Variants in FRMD4A observed in about 807,000 individuals in gnomAD.
The protein encoded by FRMD4A is FERM domain containing 4A, also known as FERM domain-containing protein 4A.
In FRMD4A, 29 loss-of-function variants were observed where a neutral mutation model predicts 129.1. The ratio of observed to expected loss-of-function variants is 0.22; its 90% CI spans 0.17 to 0.31. The LOEUF (loss-of-function observed/expected upper bound fraction) is 0.31. Among genes scored for constraint, FRMD4A ranks in the 10% least tolerant of loss-of-function variants. The pLI is 1.00. For synonymous variants in FRMD4A, 634 were observed against 571.6 expected (o/e 1.11, Z -1.56); for missense variants, 1,272 against 1,375.8 (o/e 0.92, Z 1.19).
At chr10:14,076,963 G>A (rs974482952) in intron 2 of FRMD4A, among the ~76,000 whole-genome samples, 2 of 152,172 alleles carry the variant, frequency 1.3e-5, no homozygotes, top group Non-Finnish European at 2.9e-5. Context: ...TGTCCAAGCT[G>A]GAGGGTTCTC....
chr10:14,075,913 T>G (rs753786915), intron 2 of FRMD4A, among the ~76,000 whole-genome samples: 2 of 152,186 alleles, frequency 1.3e-5, no homozygotes, highest in Non-Finnish European at 2.9e-5. Flanking sequence ...TGTCTGTGCT[T>G]GCTTTTTCCT....
intron 2 of FRMD4A, among the ~76,000 whole-genome samples, chr10:13,889,812 A>C (rs898649826): frequency 1.3e-5 from 2 of 152,224 alleles, no homozygotes; most frequent in African/African-American, 2.4e-5. Context: ...TTCATACACC[A>C]GTCATTACTT....
intron 2 of FRMD4A, among the ~76,000 whole-genome samples, chr10:13,950,362 T>C (rs994419248): frequency 3.9e-5 from 6 of 152,242 alleles, no homozygotes; most frequent in African/African-American, 1.4e-4. Flanking sequence ...TTCACAGATT[T>C]CATTTCTGTC....
At chr10:14,029,338 G>T (rs1833126484) in intron 2 of FRMD4A, among the ~76,000 whole-genome samples, 1 of 151,910 alleles carries the variant, frequency 6.6e-6, no homozygotes, top group African/African-American at 2.4e-5. Context: ...GAAACGGTGG[G>T]CAGATCGTTC....
chr10:13,685,313 T>A lies in FRMD4A; in HGVS notation c.1117+8585A>T, dbSNP rs923133286. 1.6e-5 allele frequency: 16 copies of A among 985,302 alleles called. No individual in the cohort carries two copies. In the African/African-American group the frequency reaches 2.6e-4, roughly 16 times the overall value. The allele number at this position is 985,302 out of a possible 1,614,324, so 61.0% of individuals were successfully genotyped here. A position where few individuals can be genotyped will look rare whatever the true frequency, so the allele number is the denominator to read the frequency against. On this transcript the variant is annotated intron_variant, in intron 15 of 24. Coordinates refer to ENST00000357447, the MANE Select transcript of FRMD4A (RefSeq NM_018027.5). Reference sequence around the variant, plus strand: ...AGCTTTGCTTTCTGGCTAGATTCCATGGCTCACTGGCACTCGGTGAAGAGT... The same window carrying A: ...AGCTTTGCTTTCTGGCTAGATTCCAAGGCTCACTGGCACTCGGTGAAGAGT...
intron 2 of FRMD4A, among the ~76,000 whole-genome samples, chr10:14,057,685 C>T (rs547332439): frequency 5.9e-5 from 9 of 152,294 alleles, no homozygotes; most frequent in African/African-American, 2.2e-4. Context: ...ATTCTCCAGC[C>T]TCAGCCTCCC....
chr10:13,869,140 G>A lies in FRMD4A; in HGVS notation c.46-10228C>T, dbSNP rs556509729. Among the ~76,000 whole-genome samples the A allele has an allele frequency of 1.2e-4, 18 of 152,258 alleles. No individual in the cohort carries two copies. In the South Asian group the frequency reaches 3.1e-3, roughly 26 times the overall value. ...AGAAGTCCGGGTGTGGGGACCCAGC[G>A]GTCTATGTGATTCAAGCCACAAGTC... On this transcript the variant is annotated intron_variant, in intron 2 of 24. Coordinates refer to ENST00000357447, the MANE Select transcript of FRMD4A (RefSeq NM_018027.5).
chr10:13,884,196 T>TCACACACACGCTCA (rs2094588355), intron 2 of FRMD4A, among the ~76,000 whole-genome samples: 1 of 108,536 alleles, frequency 9.2e-6, no homozygotes, highest in Admixed American at 1.0e-4. Flanking sequence ...ACACACACAC[T>TCACACACACGCTCA]CACACACACA....
chr10:14,072,732 T>C (rs1282884073), intron 2 of FRMD4A, among the ~76,000 whole-genome samples: 2 of 152,216 alleles, frequency 1.3e-5, no homozygotes, highest in African/African-American at 4.8e-5. Context: ...GCTTTTTGTC[T>C]GCAATCATTT....
intron 3 of FRMD4A, among the ~76,000 whole-genome samples, chr10:13,826,088 C>T (rs1046521629): frequency 1.3e-5 from 2 of 152,236 alleles, no homozygotes; most frequent in South Asian, 2.1e-4. Context: ...TAACCTCTAC[C>T]TCCCAAAGCT....
chr10:14,279,263 AC>A lies in FRMD4A; in HGVS notation c.45+50794del, dbSNP rs1231797638. On this transcript the variant is annotated intron_variant, in intron 2 of 24. Coordinates refer to ENST00000357447, the MANE Select transcript of FRMD4A (RefSeq NM_018027.5). ...GAGTAGAGTGGCGCCATCCTGGCTC[AC>A]TGCAACCTCCGCCTCCCAGGTTCAT... Among the ~76,000 whole-genome samples, 7 of 141,074 alleles carry A rather than the reference AC, an allele frequency of 5.0e-5. No homozygotes were observed. In the East Asian group the frequency reaches 1.0e-3, roughly 21 times the overall value. The allele number at this position is 141,074 out of a possible 152,430, so 92.6% of individuals were successfully genotyped here.
At chr10:13,673,407 T>C (rs755481092) in intron 16 of FRMD4A, among the ~76,000 whole-genome samples, 2 of 152,180 alleles carry the variant, frequency 1.3e-5, no homozygotes, top group Non-Finnish European at 2.9e-5. Context: ...CCTTAGTGTT[T>C]GGGGGAGGGG....
chr10:14,118,880 C>T (rs1838343328), intron 2 of FRMD4A, among the ~76,000 whole-genome samples: 1 of 152,148 alleles, frequency 6.6e-6, no homozygotes, highest in Non-Finnish European at 1.5e-5. Flanking sequence ...ATATCACTGA[C>T]TATATAACCC....
chr10:13,997,302 G>C lies in FRMD4A; in HGVS notation c.46-138390C>G, dbSNP rs143936814. On this transcript the variant is annotated intron_variant, in intron 2 of 24. Coordinates refer to ENST00000357447, the MANE Select transcript of FRMD4A (RefSeq NM_018027.5). ...AGAAAACTCACTCTTGGCCTTAGTT[G>C]TAATAATCTTCACCCCAAGAGTCTC... 4.6e-4 allele frequency among the ~76,000 whole-genome samples: 70 copies of C among 152,264 alleles called. 1 individual carries two copies. Among genetic ancestry groups the C allele is most frequent in the African/African-American group, 1.5e-3 (63 of 41,566 alleles).
At chr10:14,310,182 C>T (rs370346557) in intron 2 of FRMD4A, among the ~76,000 whole-genome samples, 1 of 151,932 alleles carries the variant, frequency 6.6e-6, no homozygotes, top group Non-Finnish European at 1.5e-5. Context: ...CAGCCCTTCC[C>T]TTGAGCTCTC....
At chr10:13,844,844 C>A (rs1050002363) in intron 3 of FRMD4A, among the ~76,000 whole-genome samples, 4 of 152,302 alleles carry the variant, frequency 2.6e-5, no homozygotes, top group Non-Finnish European at 4.4e-5. Context: ...CCGTGCGCTA[C>A]AAAATCACAC....
At chr10:14,275,383 C>T (rs1223110702) in intron 2 of FRMD4A, among the ~76,000 whole-genome samples, 2 of 152,176 alleles carry the variant, frequency 1.3e-5, no homozygotes, top group Non-Finnish European at 2.9e-5. Flanking sequence ...CAAAACACAT[C>T]GGGGTGAGTG....
chr10:13,891,096 A>C (rs558762926), intron 2 of FRMD4A, among the ~76,000 whole-genome samples: 13 of 152,134 alleles, frequency 8.5e-5, no homozygotes, highest in Non-Finnish European at 1.6e-4. Flanking sequence ...GCACGTACTA[A>C]AGGGGGTTCC....
chr10:13,720,239 G>A (rs2089290237), intron 12 of FRMD4A, among the ~76,000 whole-genome samples: 1 of 152,122 alleles, frequency 6.6e-6, no homozygotes, highest in African/African-American at 2.4e-5. Flanking sequence ...AGTAGAGACG[G>A]GGTTTCACTA....
Sources: allele counts gnomAD v4.1 joint callset (sites outside exome capture counted in the v4.1 genomes callset), GRCh38; gene constraint gnomAD v4.1.1; transcripts MANE v1.5; gene names NCBI Gene and HGNC (gene_info 2026-07-23, HGNC 2026-07-21).